Variants in WWOX observed in about 807,000 individuals in gnomAD.
The protein encoded by WWOX is WW domain-containing oxidoreductase.
In WWOX, 69 loss-of-function variants were observed where a neutral mutation model predicts 46.2. The observed-to-expected ratio is 1.49, with a 90% CI of 1.23 to 1.82. WWOX has a LOEUF of 1.82. Ranked by LOEUF, WWOX falls within the 40% of genes most tolerant of loss-of-function variation. The pLI is 0.00. For missense variants in WWOX, 919 were observed against 542.6 expected (o/e 1.69, Z -6.89); for synonymous variants, 359 against 202.6 (o/e 1.77, Z -6.56).
intron 8 of WWOX, among the ~76,000 whole-genome samples, chr16:79,008,315 C>T (rs913520135): frequency 5.9e-5 from 9 of 152,152 alleles, no homozygotes; most frequent in Non-Finnish European, 8.8e-5. Flanking sequence ...GGCCCAGCCC[C>T]TTTTAAGGGC....
chr16:79,087,996 C>T (rs557048360), intron 8 of WWOX, among the ~76,000 whole-genome samples: 2 of 152,284 alleles, frequency 1.3e-5, no homozygotes, highest in East Asian at 3.9e-4. Context: ...CTCTTCCATT[C>T]TAGCTTCTTC....
At chr16:79,052,808 A>G (rs752822505) in intron 8 of WWOX, among the ~76,000 whole-genome samples, 1 of 152,278 alleles carries the variant, frequency 6.6e-6, no homozygotes, top group East Asian at 1.9e-4. Context: ...TTCGAGTGCT[A>G]TTTCTTTATG....
At chr16:78,153,201 T>C (rs1193979937) in intron 4 of WWOX, among the ~76,000 whole-genome samples, 1 of 152,178 alleles carries the variant, frequency 6.6e-6, no homozygotes, top group Non-Finnish European at 1.5e-5. Flanking sequence ...AACAGAGGTA[T>C]GGATTAGCTA....
intron 8 of WWOX, among the ~76,000 whole-genome samples, chr16:78,871,257 C>A (rs1376883925): frequency 6.6e-6 from 1 of 152,042 alleles, no homozygotes; most frequent in African/African-American, 2.4e-5. Context: ...ATTTTTCCCC[C>A]CATGGCTTCG....
At chr16:78,827,685 A>AAT (rs1418164560) in intron 8 of WWOX, among the ~76,000 whole-genome samples, 1 of 151,772 alleles carries the variant, frequency 6.6e-6, no homozygotes, top group Non-Finnish European at 1.5e-5. Flanking sequence ...ATAAAAAAAA[A>AAT]AAAAAATTAG....
intron 8 of WWOX, among the ~76,000 whole-genome samples, chr16:78,747,979 C>T (rs948079489): frequency 2.0e-5 from 3 of 152,182 alleles, no homozygotes; most frequent in Non-Finnish European, 4.4e-5. Context: ...GGTCCTCTTG[C>T]GTAGCAGCCT....
chr16:78,490,198 G>C (rs1374409674), intron 8 of WWOX, among the ~76,000 whole-genome samples: 1 of 149,850 alleles, frequency 6.7e-6, no homozygotes, highest in Non-Finnish European at 1.5e-5. Flanking sequence ...TCCTTATCAA[G>C]GACGTACAAG....
chr16:78,279,778 C>T (rs184057773), intron 5 of WWOX, among the ~76,000 whole-genome samples: 4 of 152,176 alleles, frequency 2.6e-5, no homozygotes, highest in Non-Finnish European at 5.9e-5. Context: ...CTTTAATCTT[C>T]GCAAAGGGAA....
At chr16:78,861,944 G>A (rs1489161763) in intron 8 of WWOX, among the ~76,000 whole-genome samples, 6 of 152,146 alleles carry the variant, frequency 3.9e-5, no homozygotes, top group African/African-American at 1.4e-4. Flanking sequence ...TTTGGTTGTT[G>A]GTGATACTGA....
At chr16:78,436,590 C>G (rs1026722071) in intron 8 of WWOX, among the ~76,000 whole-genome samples, 1 of 152,158 alleles carries the variant, frequency 6.6e-6, no homozygotes, top group African/African-American at 2.4e-5. Flanking sequence ...TAGGTTGATA[C>G]AGAAGTTATT....
intron 8 of WWOX, among the ~76,000 whole-genome samples, chr16:78,982,077 T>C (rs1166592780): frequency 1.3e-5 from 2 of 152,094 alleles, no homozygotes; most frequent in Non-Finnish European, 2.9e-5. Flanking sequence ...ATTTGGCCCA[T>C]CTGAGCCTCA....
chr16:79,187,980 C>G (rs1035912367), intron 8 of WWOX, among the ~76,000 whole-genome samples: 7 of 152,224 alleles, frequency 4.6e-5, no homozygotes, highest in Non-Finnish European at 8.8e-5. Context: ...AATGTCCACT[C>G]TCTCTCCCAT....
At chr16:78,654,281 T>C (rs62036081) in intron 8 of WWOX, among the ~76,000 whole-genome samples, 1,846 of 152,368 alleles carry the variant, frequency 0.012, 23 homozygotes, top group Non-Finnish European at 0.019. Flanking sequence ...CTTAGTGATA[T>C]GAGAATTATG....
chr16:78,211,578 A>G (rs1053216421), intron 5 of WWOX, among the ~76,000 whole-genome samples: 2 of 152,012 alleles, frequency 1.3e-5, no homozygotes, highest in Non-Finnish European at 2.9e-5. Flanking sequence ...CTGCTGCTGC[A>G]TTGTCAAGAC....
chr16:78,129,918 A>T (rs943428795), intron 4 of WWOX: 3 of 152,150 alleles, frequency 2.0e-5, no homozygotes, highest in African/African-American at 7.2e-5. Flanking sequence ...CTTGAACTAT[A>T]GTTCCCATGA....
At chr16:78,151,435 T>A (rs2034403801) in intron 4 of WWOX, among the ~76,000 whole-genome samples, 1 of 152,148 alleles carries the variant, frequency 6.6e-6, no homozygotes, top group Non-Finnish European at 1.5e-5. Flanking sequence ...ACAATGACAC[T>A]TTATAGGGTT....
intron 8 of WWOX, among the ~76,000 whole-genome samples, chr16:79,111,284 T>G (rs556604961): frequency 2.3e-4 from 35 of 152,330 alleles, no homozygotes; most frequent in African/African-American, 7.9e-4. Flanking sequence ...ATCTGCAGAT[T>G]CCTTTTTCTC....
chr16:79,057,876 C>G (rs1375587682), intron 8 of WWOX, among the ~76,000 whole-genome samples: 3 of 152,154 alleles, frequency 2.0e-5, no homozygotes, highest in Non-Finnish European at 2.9e-5. Flanking sequence ...ATTTCCATAT[C>G]CATAATGTGC....
At chr16:78,850,453 A>C (rs1467009490) in intron 8 of WWOX, among the ~76,000 whole-genome samples, 2 of 152,240 alleles carry the variant, frequency 1.3e-5, no homozygotes, top group Admixed American at 6.5e-5. Flanking sequence ...AGTGATAGAA[A>C]GTCCTTATAG....
Sources: gnomAD v4.1 joint callset for allele counts (sites outside exome capture counted in the v4.1 genomes callset) on GRCh38, gnomAD v4.1.1 for gene constraint, MANE v1.5 for transcripts, NCBI Gene and HGNC (gene_info 2026-07-23, HGNC 2026-07-21) for gene names.